FAT3: variants seen among roughly 807,000 people sequenced by gnomAD.
FAT3 encodes FAT atypical cadherin 3.
In FAT3, 95 loss-of-function variants were observed where a neutral mutation model predicts 310.2. The ratio of observed to expected loss-of-function variants is 0.31; its 90% CI spans 0.26 to 0.36. The LOEUF is 0.36. Ranked by LOEUF, FAT3 falls within the 10% of genes least tolerant of loss-of-function variation. The pLI, the probability that FAT3 is intolerant of heterozygous loss-of-function variation, is 1.00. For synonymous variants in FAT3, 2,314 were observed against 2,192.9 expected (o/e 1.06, Z -1.54); for missense variants, 5,408 against 5,715.6 (o/e 0.95, Z 1.74).
intron 3 of FAT3, among the ~76,000 whole-genome samples, chr11:92,578,229 T>C (rs2135524155): frequency 6.7e-6 from 1 of 149,992 alleles, no homozygotes; most frequent in East Asian, 2.0e-4. Context: ...ACACTGATAA[T>C]AATATTCACA....
chr11:92,270,935 T>C (rs1334760462), intron 1 of FAT3, among the ~76,000 whole-genome samples: 1 of 152,046 alleles, frequency 6.6e-6, no homozygotes, highest in Non-Finnish European at 1.5e-5. Flanking sequence ...CTTTCCCTCA[T>C]TTTTTACATC....
chr11:92,763,489 C>G (rs1946215165), intron 5 of FAT3, among the ~76,000 whole-genome samples: 1 of 152,132 alleles, frequency 6.6e-6, no homozygotes, highest in Non-Finnish European at 1.5e-5. Flanking sequence ...ATCCCATTCT[C>G]AGACTGCAAG....
At chr11:92,296,693 C>T (rs560721914) in intron 1 of FAT3, among the ~76,000 whole-genome samples, 14 of 152,140 alleles carry the variant, frequency 9.2e-5, no homozygotes, top group South Asian at 2.1e-4. Flanking sequence ...AAAGGCTCAG[C>T]GCGAAATGGA....
chr11:92,885,983 G>A (rs1298350680), intron 24 of FAT3, among the ~76,000 whole-genome samples: 9 of 152,148 alleles, frequency 5.9e-5, no homozygotes, highest in African/African-American at 9.7e-5. Context: ...TGGAAGAAAC[G>A]TGATTTCTGT....
At chr11:92,889,137 C>T (rs1277659374) in intron 25 of FAT3, 52 bp from the exon 26 acceptor site, 1 of 683,024 alleles carries the variant, frequency 1.5e-6, no homozygotes, top group Non-Finnish European at 2.7e-6. Context: ...AAATATACAA[C>T]TAACCTGAAG....
intron 1 of FAT3, among the ~76,000 whole-genome samples, chr11:92,324,216 T>C (rs1428785282): frequency 6.6e-6 from 1 of 152,236 alleles, no homozygotes. Context: ...GTAGCACTTA[T>C]AATTTCCTGC....
chr11:92,846,221 C>T (rs989689953), intron 19 of FAT3, among the ~76,000 whole-genome samples: 6 of 152,090 alleles, frequency 3.9e-5, no homozygotes, highest in South Asian at 2.1e-4. Context: ...ACCCTGAAGA[C>T]GAAACTATAC....
intron 1 of FAT3, among the ~76,000 whole-genome samples, chr11:92,258,217 A>C (rs559334759): frequency 6.6e-6 from 1 of 152,256 alleles, no homozygotes; most frequent in South Asian, 2.1e-4. Context: ...TGGAACAATA[A>C]GTGTGAGTGC....
At chr11:92,741,100 G>A (rs980216496) in intron 4 of FAT3, among the ~76,000 whole-genome samples, 4 of 152,116 alleles carry the variant, frequency 2.6e-5, no homozygotes, top group African/African-American at 4.8e-5. Flanking sequence ...GAGTGCAGTG[G>A]CACATATCAT....
intron 4 of FAT3, among the ~76,000 whole-genome samples, chr11:92,752,045 A>C (rs1327946500): frequency 6.6e-6 from 1 of 152,212 alleles, no homozygotes; most frequent in Non-Finnish European, 1.5e-5. Flanking sequence ...AAGAGGCAGC[A>C]GCACATAATG....
intron 2 of FAT3, among the ~76,000 whole-genome samples, chr11:92,402,136 T>C (rs996719640): frequency 3.9e-5 from 6 of 152,054 alleles, no homozygotes; most frequent in African/African-American, 1.4e-4. Flanking sequence ...AGCTGAGATA[T>C]TAAAACTAAA....
chr11:92,599,455 A>T (rs1057335704), intron 3 of FAT3, among the ~76,000 whole-genome samples: 3 of 152,148 alleles, frequency 2.0e-5, no homozygotes, highest in Non-Finnish European at 4.4e-5. Flanking sequence ...TGAGAGGATT[A>T]TGGGAACTAC....
chr11:92,480,909 T>C (rs914534877), intron 2 of FAT3, among the ~76,000 whole-genome samples: 3 of 152,166 alleles, frequency 2.0e-5, no homozygotes, highest in Admixed American at 2.0e-4. Flanking sequence ...AGCAAACGTT[T>C]GTTGTGTGAG....
intron 22 of FAT3, among the ~76,000 whole-genome samples, chr11:92,877,889 T>A (rs879824315): frequency 1.3e-5 from 2 of 152,124 alleles, no homozygotes; most frequent in Non-Finnish European, 2.9e-5. Flanking sequence ...ATACCTTAAG[T>A]AAAAAATGCA....
intron 3 of FAT3, among the ~76,000 whole-genome samples, chr11:92,689,258 A>T (rs1943725573): frequency 6.6e-6 from 1 of 152,114 alleles, no homozygotes; most frequent in Non-Finnish European, 1.5e-5. Flanking sequence ...AATCTCTAGG[A>T]TTCATCTATA....
chr11:92,763,995 A>G (rs979218904), intron 5 of FAT3, among the ~76,000 whole-genome samples: 1 of 152,106 alleles, frequency 6.6e-6, no homozygotes, highest in Non-Finnish European at 1.5e-5. Context: ...TATAAATGTT[A>G]TTTTTTAAAT....
At chr11:92,289,923 T>C (rs1946650266) in intron 1 of FAT3, among the ~76,000 whole-genome samples, 2 of 152,126 alleles carry the variant, frequency 1.3e-5, no homozygotes, top group Non-Finnish European at 2.9e-5. Flanking sequence ...GAGAGTAAAC[T>C]TTGCAAAGAC....
At position 92,880,601 on chromosome 11, in the gene FAT3, C is replaced by T. The variant is rs554892662; in HGVS notation, c.12128-130C>T. The stretch of plus-strand genomic sequence containing the variant: ...ATGTTTCAAGCAATCAATTTGCTAA[C>T]CACCTTTGGAATTTGGGCCCTTCCT... On this transcript the variant is annotated intron_variant, in intron 22 of 27. Coordinates refer to ENST00000525166, the MANE Select transcript of FAT3 (RefSeq NM_001367949.2). 8 of 1,047,078 alleles carry T rather than the reference C, an allele frequency of 7.6e-6. No individual in the cohort carries two copies. In the African/African-American group the frequency reaches 9.8e-5, roughly 13 times the overall value. The allele number at this position is 1,047,078 out of a possible 1,614,324, so 64.9% of individuals were successfully genotyped here.
intron 13 of FAT3, among the ~76,000 whole-genome samples, chr11:92,817,262 G>T (rs1009986742): frequency 6.6e-6 from 1 of 152,174 alleles, no homozygotes; most frequent in Non-Finnish European, 1.5e-5. Context: ...CCCAGTGAGG[G>T]CTCTGTAGGT....
Sources: allele counts gnomAD v4.1 joint callset (sites outside exome capture counted in the v4.1 genomes callset), GRCh38; gene constraint gnomAD v4.1.1; transcripts MANE v1.5; gene names NCBI Gene and HGNC (gene_info 2026-07-23, HGNC 2026-07-21).